MYO3B: variants seen among roughly 807,000 people sequenced by gnomAD.
MYO3B encodes the protein myosin-IIIb.
Under a neutral mutation model 174.6 loss-of-function variants are expected in MYO3B, and 156 were observed. That is an observed-to-expected ratio of 0.89 (90% confidence interval 0.78 to 1.02). The LOEUF (loss-of-function observed/expected upper bound fraction) is 1.02. Among genes scored for constraint, MYO3B ranks in the 50% least tolerant of loss-of-function variants. The pLI, the probability that MYO3B is intolerant of heterozygous loss-of-function variation, is 0.00. For missense variants in MYO3B, 1,632 were observed against 1,639.4 expected (o/e 1.00, Z 0.08); for synonymous variants, 563 against 569.1 (o/e 0.99, Z 0.15).
At chr2:170,556,847 T>G (rs1691339934) in intron 32 of MYO3B, among the ~76,000 whole-genome samples, 1 of 152,240 alleles carries the variant, frequency 6.6e-6, no homozygotes. Context: ...AATAGTTGTG[T>G]AGTCACATCT....
intron 32 of MYO3B, among the ~76,000 whole-genome samples, chr2:170,551,522 G>T (rs981934867): frequency 1.3e-5 from 1 of 75,428 alleles, no homozygotes; most frequent in Non-Finnish European, 2.4e-5. Context: ...CATAATGTTT[G>T]TTCCCTGACT....
rs537221126 is a variant in MYO3B, at chr2:170,232,284, A to G, written c.604-3707A>G. On this transcript the variant is annotated intron_variant, in intron 6 of 34. Coordinates refer to ENST00000408978, the MANE Select transcript of MYO3B (RefSeq NM_138995.5). ...TGTTTTCTCTTAAAGAAATAGCTTCAGACTTTGGTATTGGATTGATAGGGA... is the reference window on the plus strand; with the variant it reads ...TGTTTTCTCTTAAAGAAATAGCTTCGGACTTTGGTATTGGATTGATAGGGA... 2.6e-5 allele frequency among the ~76,000 whole-genome samples: 4 copies of G among 152,354 alleles called. No homozygotes were observed. In the South Asian group the frequency reaches 8.3e-4, roughly 32 times the overall value.
intron 32 of MYO3B, among the ~76,000 whole-genome samples, chr2:170,642,693 C>T (rs1282283079): frequency 1.3e-5 from 2 of 152,088 alleles, no homozygotes; most frequent in South Asian, 2.1e-4. Context: ...GACCTAAGCT[C>T]CTTGAGCCTC....
At chr2:170,505,262 G>A (rs374450946) in intron 28 of MYO3B, among the ~76,000 whole-genome samples, 8 of 152,060 alleles carry the variant, frequency 5.3e-5, no homozygotes, top group Non-Finnish European at 1.0e-4. Flanking sequence ...TCTTTTCTGC[G>A]GGGCTGAGGG....
chr2:170,459,036 G>A (rs904513792), intron 23 of MYO3B, among the ~76,000 whole-genome samples: 2 of 152,158 alleles, frequency 1.3e-5, no homozygotes, highest in Non-Finnish European at 2.9e-5. Flanking sequence ...CCCTCCCGGT[G>A]GGTTTGTGGT....
chr2:170,287,848 A>C (rs2093567872), intron 7 of MYO3B, among the ~76,000 whole-genome samples: 1 of 151,960 alleles, frequency 6.6e-6, no homozygotes, highest in African/African-American at 2.4e-5. Flanking sequence ...TAGTAGTTTC[A>C]TTGTTTCAAG....
chr2:170,312,001 T>A (rs2105471604), intron 7 of MYO3B, among the ~76,000 whole-genome samples: 1 of 152,354 alleles, frequency 6.6e-6, no homozygotes, highest in East Asian at 1.9e-4. Context: ...TGATTGCTGT[T>A]GCTTTGTAGT....
At chr2:170,514,076 G>A (rs932703312) in intron 28 of MYO3B, among the ~76,000 whole-genome samples, 1 of 152,144 alleles carries the variant, frequency 6.6e-6, no homozygotes, top group Admixed American at 6.5e-5. Flanking sequence ...TTATTGCCTC[G>A]GGGCAGGACC....
intron 25 of MYO3B, among the ~76,000 whole-genome samples, chr2:170,467,517 G>A (rs539581857): frequency 1.1e-3 from 146 of 129,892 alleles, no homozygotes; most frequent in African/African-American, 3.7e-3. Flanking sequence ...GAAGAAATAA[G>A]GAAAACAGTA....
intron 9 of MYO3B, among the ~76,000 whole-genome samples, chr2:170,374,369 C>T (rs1171238432): frequency 4.6e-5 from 7 of 152,032 alleles, no homozygotes; most frequent in African/African-American, 1.7e-4. Flanking sequence ...AGAGCAGATT[C>T]AGTGAGGGGA....
Position 170,433,513 on chromosome 2 carries a change from GAGAATAT to G in MYO3B, c.2651-10453_2651-10447del. 3.9e-5 allele frequency among the ~76,000 whole-genome samples: 6 copies of G among 152,324 alleles called. No homozygotes were observed. In the South Asian group the frequency reaches 1.2e-3, roughly 32 times the overall value. ...ACTGTTACTGGGCAAGTGTTCTTCT[GAGAATAT>G]CTTAACTGAATTACTTCAGTCCTAT... On this transcript the variant is annotated intron_variant, in intron 22 of 34. Coordinates refer to ENST00000408978, the MANE Select transcript of MYO3B (RefSeq NM_138995.5).
At chr2:170,527,187 G>C (rs55932200) in intron 30 of MYO3B, among the ~76,000 whole-genome samples, 5 of 152,296 alleles carry the variant, frequency 3.3e-5, no homozygotes, top group African/African-American at 1.2e-4. Context: ...AGGATATGCA[G>C]AGCCATTCTT....
At chr2:170,280,572 G>A (rs6433188) in intron 7 of MYO3B, among the ~76,000 whole-genome samples, 56,413 of 151,858 alleles carry the variant, frequency 0.37, 11,171 homozygotes, top group African/African-American at 0.51. Context: ...CCAGGATGGT[G>A]TTGCCTAGGT....
At chr2:170,471,451 T>G (rs1280877418) in intron 25 of MYO3B, among the ~76,000 whole-genome samples, 1 of 152,178 alleles carries the variant, frequency 6.6e-6, no homozygotes, top group Non-Finnish European at 1.5e-5. Flanking sequence ...CTTTTGGTAT[T>G]CTACCTAAGA....
chr2:170,278,176 A>T (rs1341724174), intron 7 of MYO3B, among the ~76,000 whole-genome samples: 1 of 152,196 alleles, frequency 6.6e-6, no homozygotes, highest in Non-Finnish European at 1.5e-5. Context: ...CAATATGGCG[A>T]TAGTGACATC....
intron 32 of MYO3B, chr2:170,602,058 T>C (rs1159753335): frequency 1.0e-6 from 1 of 977,168 alleles, no homozygotes; most frequent in Non-Finnish European, 1.7e-6. Flanking sequence ...CAAATTTTCC[T>C]TTATCTTTAG....
intron 8 of MYO3B, among the ~76,000 whole-genome samples, chr2:170,353,969 T>C (rs1383456366): frequency 2.0e-5 from 3 of 152,210 alleles, no homozygotes; most frequent in Non-Finnish European, 4.4e-5. Flanking sequence ...TGTCACACAT[T>C]CAATCATTCA....
chr2:170,602,509 A>G (rs1355222474), intron 32 of MYO3B, among the ~76,000 whole-genome samples: 3 of 152,240 alleles, frequency 2.0e-5, no homozygotes, highest in African/African-American at 7.2e-5. Context: ...CACTGTTAAT[A>G]GGATTTGTCT....
At chr2:170,617,249 T>A (rs1695518799) in intron 32 of MYO3B, among the ~76,000 whole-genome samples, 1 of 152,212 alleles carries the variant, frequency 6.6e-6, no homozygotes. Flanking sequence ...CTATAGAATA[T>A]TGTTAATAAC....
Sources: gnomAD v4.1 joint callset for allele counts (sites outside exome capture counted in the v4.1 genomes callset) on GRCh38, gnomAD v4.1.1 for gene constraint, MANE v1.5 for transcripts, NCBI Gene and HGNC (gene_info 2026-07-23, HGNC 2026-07-21) for gene names.